Variants in SLC6A6 observed in about 807,000 individuals in gnomAD.
The protein encoded by SLC6A6 is solute carrier family 6 member 6, also known as sodium- and chloride-dependent taurine transporter.
SLC6A6 carries 16 observed loss-of-function variants against 68.8 expected under a neutral mutation model. That is an observed-to-expected ratio of 0.23 (90% CI 0.16 to 0.35). The LOEUF (loss-of-function observed/expected upper bound fraction) is 0.35, where lower values mean the gene tolerates loss of function less well. SLC6A6 is among the 10% of genes least tolerant of loss of function. The pLI is 1.00. For synonymous variants in SLC6A6, 312 were observed against 315.4 expected, an observed-to-expected ratio of 0.99 and a Z score of 0.12; for missense variants, 474 against 802.8, an observed-to-expected ratio of 0.59 and a Z score of 4.95.
intron 13 of SLC6A6, among the ~76,000 whole-genome samples, chr3:14,480,836 C>G (rs1040585753): frequency 1.2e-4 from 19 of 152,328 alleles, no homozygotes; most frequent in Non-Finnish European, 7.3e-5. Context: ...GAAAGGTGGG[C>G]TTTGCTCCCT....
rs35476822 is a variant in SLC6A6 at position 14,445,850 on chromosome 3, T to C, written c.363T>C (p.Ser121=). Residue 121 remains serine, a splice_region_variant and synonymous_variant, in exon 4 of 15, where the codon TCT becomes TCC. Coordinates refer to ENST00000622186, the MANE Select transcript of SLC6A6 (RefSeq NM_003043.6). The stretch of plus-strand genomic sequence containing the variant: ...GGGAAAAGATCTGCCCCTTGTTCTC[T>C]GGTGAGTATGGGACGGAGGTCACTT... ...TCWEKICPLF[S]GIGYASVVIV... is the part of the protein sequence containing the mutation. 7.5e-4 allele frequency: 1,207 copies of C among 1,614,222 alleles called. 16 individuals are homozygous for C. The African/African-American group carries it at 0.014, about 19-fold the overall frequency.
At chr3:14,442,526 C>A (rs1700014360) in intron 2 of SLC6A6, among the ~76,000 whole-genome samples, 1 of 152,218 alleles carries the variant, frequency 6.6e-6, no homozygotes, top group African/African-American at 2.4e-5. Context: ...TCTTGGTAAC[C>A]CTTGTCAGTT....
rs757701813 is a variant in SLC6A6, at chr3:14,458,072, C to G, written c.722C>G (p.Ser241Cys). Residue 241 changes from serine to cysteine, a missense_variant, in exon 6 of 15, where the codon TCC becomes TGC. Around this residue, in one of 2 missense-constraint regions of SLC6A6, gnomAD observed 280 missense variants for 533.1 expected, o/e 0.53. Coordinates refer to ENST00000622186, the MANE Select transcript of SLC6A6 (RefSeq NM_003043.6). ...TTCTGCATCTGGAAGGGCGTCAGGT[C>G]CACTGGGAAGGTAAGTTGGACTTCT... Reference protein sequence around the residue: ...CFFCIWKGVRSTGKVVYFTAT... With the variant: ...CFFCIWKGVRCTGKVVYFTAT... 17 of 1,613,720 alleles carry G rather than the reference C, an allele frequency of 1.1e-5. No homozygotes were observed. The highest frequency in any genetic ancestry group is 1.4e-5 in the Non-Finnish European group (17 of 1,179,734).
At chr3:14,475,927 G>A (rs902330912) in intron 10 of SLC6A6, among the ~76,000 whole-genome samples, 5 of 152,156 alleles carry the variant, frequency 3.3e-5, no homozygotes, top group Non-Finnish European at 5.9e-5. Context: ...GTCAGCACAT[G>A]AAAGGGATTT....
intron 2 of SLC6A6, among the ~76,000 whole-genome samples, chr3:14,433,475 C>T (rs901544786): frequency 4.6e-5 from 7 of 152,028 alleles, no homozygotes; most frequent in Admixed American, 1.3e-4. Flanking sequence ...CCCAGGCGGC[C>T]GAGGTGTGGG....
chr3:14,409,777 G>A (rs1244141833), intron 1 of SLC6A6, among the ~76,000 whole-genome samples: 1 of 152,222 alleles, frequency 6.6e-6, no homozygotes, highest in Non-Finnish European at 1.5e-5. Flanking sequence ...TGTGGAGTGT[G>A]GGGACTTTGG....
At chr3:14,412,896 C>G (rs1699281111) in intron 1 of SLC6A6, among the ~76,000 whole-genome samples, 1 of 152,264 alleles carries the variant, frequency 6.6e-6, no homozygotes, top group Non-Finnish European at 1.5e-5. Context: ...GTAACTTGCC[C>G]AAGGTCACAC....
At chr3:14,484,319 A>G (rs1701085161) in intron 14 of SLC6A6, among the ~76,000 whole-genome samples, 1 of 152,180 alleles carries the variant, frequency 6.6e-6, no homozygotes, top group East Asian at 1.9e-4. Context: ...TTAAGATGTA[A>G]ACCCTGCTGG....
intron 5 of SLC6A6, among the ~76,000 whole-genome samples, chr3:14,456,080 CTG>C (rs1700360547): frequency 6.6e-6 from 1 of 152,218 alleles, no homozygotes; most frequent in Non-Finnish European, 1.5e-5. Context: ...CCTGCTGGCT[CTG>C]TGACCATGGG....
intron 2 of SLC6A6, among the ~76,000 whole-genome samples, chr3:14,430,410 T>C (rs1047480493): frequency 1.3e-5 from 2 of 151,960 alleles, no homozygotes; most frequent in African/African-American, 2.4e-5. Context: ...GTATACCATG[T>C]CCCCAGCACC....
At chr3:14,447,873 C>A (rs1700164890) in intron 5 of SLC6A6, 57 bp downstream of exon 5, 1 of 1,596,358 alleles carries the variant, frequency 6.3e-7, no homozygotes, top group African/African-American at 1.3e-5. Flanking sequence ...AGAGGATGGC[C>A]CACTTCCTTA....
At chr3:14,411,508 C>A (rs142040893) in intron 1 of SLC6A6, among the ~76,000 whole-genome samples, 5 of 152,336 alleles carry the variant, frequency 3.3e-5, no homozygotes, top group African/African-American at 1.2e-4. Context: ...CTTCAGCTCG[C>A]CCTGCTCTGA....
At chr3:14,416,297 C>T (rs548961551) in intron 1 of SLC6A6, 115 bp from the exon 2 acceptor site, 1 of 397,284 alleles carries the variant, frequency 2.5e-6, no homozygotes, top group Non-Finnish European at 4.4e-6. Flanking sequence ...TGGTCAGCCC[C>T]TCCCCAGCAC....
At chr3:14,466,891 G>A (rs933750419) in intron 7 of SLC6A6, among the ~76,000 whole-genome samples, 1 of 152,190 alleles carries the variant, frequency 6.6e-6, no homozygotes, top group Non-Finnish European at 1.5e-5. Flanking sequence ...GTCTGAGGGT[G>A]GCCACTTAGA....
intron 1 of SLC6A6, among the ~76,000 whole-genome samples, chr3:14,412,575 A>T (rs575050473): frequency 3.3e-5 from 5 of 152,220 alleles, no homozygotes; most frequent in South Asian, 2.1e-4. Flanking sequence ...GCTATTTGGG[A>T]GGATGAGCCT....
At chr3:14,419,608 T>G (rs907514447) in intron 2 of SLC6A6, among the ~76,000 whole-genome samples, 12 of 152,120 alleles carry the variant, frequency 7.9e-5, no homozygotes, top group Non-Finnish European at 1.3e-4. Flanking sequence ...GAGCCTCAGG[T>G]AACCCACCCC....
rs1701006605 is a variant in SLC6A6 at position 14,481,533 on chromosome 3, A to T, written c.1552-138A>T. On this transcript the variant is annotated intron_variant, in intron 13 of 14. Transcript: ENST00000622186. This position sits in a 1 kb window ranked among gnomAD's most constrained non-coding sequence, Gnocchi z 4.7. The stretch of plus-strand genomic sequence containing the variant: ...GCGGGGGGGATCCTTATGGCAGCAG[A>T]GAGGGGTGTGAGTTCTGAGCCAGTC... 1.6e-6 allele frequency: 1 copy of T among 631,672 alleles called. No homozygotes were observed. 39.1% of individuals were successfully genotyped at this position (631,672 alleles called of 1,614,324 possible). A position where few individuals can be genotyped will look rare whatever the true frequency, so the allele number is the denominator to read the frequency against.
At chr3:14,417,297 T>C (rs957224964) in intron 2 of SLC6A6, among the ~76,000 whole-genome samples, 1 of 152,228 alleles carries the variant, frequency 6.6e-6, no homozygotes, top group African/African-American at 2.4e-5. Flanking sequence ...TGGGTAACAT[T>C]TGCCACATTC....
chr3:14,479,540 G>A lies in SLC6A6; in HGVS notation c.1551+355G>A, dbSNP rs9883349. On this transcript the variant is annotated intron_variant, in intron 13 of 14. Coordinates refer to ENST00000622186, the MANE Select transcript of SLC6A6 (RefSeq NM_003043.6). ...ATTCTTTCCCCAAACCTTCCAGAGC[G>A]CATGAGCTCTGTTTGGGTCACTGGG... 9.5e-3 allele frequency among the ~76,000 whole-genome samples: 1,447 copies of A among 152,214 alleles called. 26 individuals are homozygous for A. Among genetic ancestry groups the A allele is most frequent in the African/African-American group, 0.033 (1,383 of 41,498 alleles).
Sources: gnomAD v4.1 joint callset for allele counts (sites outside exome capture counted in the v4.1 genomes callset) on GRCh38, gnomAD v4.1.1 for gene constraint, gnomAD v4.1.1 regional missense constraint, Gnocchi (gnomAD v3.1) non-coding constraint, MANE v1.5 for transcripts, NCBI Gene and HGNC (gene_info 2026-07-23, HGNC 2026-07-21) for gene names.